Variants in SLCO1B1 observed in about 807,000 individuals in gnomAD.
SLCO1B1 encodes the protein OATP-2.
In SLCO1B1, 81 loss-of-function variants were observed where a neutral mutation model predicts 70.1. The ratio of observed to expected loss-of-function variants is 1.16; its 90% CI spans 0.97 to 1.39. The LOEUF (loss-of-function observed/expected upper bound fraction) is 1.39, where lower values mean the gene tolerates loss of function less well. Ranked by LOEUF, SLCO1B1 falls within the 40% of genes most tolerant of loss-of-function variation. SLCO1B1 has a pLI of 0.00. For missense variants in SLCO1B1, 895 were observed against 799.6 expected, an observed-to-expected ratio of 1.12 and a Z score of -1.44; for synonymous variants, 283 against 271.5, an observed-to-expected ratio of 1.04 and a Z score of -0.42.
chr12:21,172,614 T>G (rs772900954), intron 2 of SLCO1B1, 36 bp from the exon 3 acceptor site: 17 of 1,611,656 alleles, frequency 1.1e-5, no homozygotes, highest in Non-Finnish European at 1.4e-5. Flanking sequence ...GTCCTTCGAT[T>G]AACCATTTTC....
At chr12:21,222,458 T>G (rs1342375623) in intron 13 of SLCO1B1, 94 bp downstream of exon 13, 30 of 248,790 alleles carry the variant, frequency 1.2e-4, no homozygotes, top group African/African-American at 7.4e-4. Flanking sequence ...TAAATTTAAG[T>G]TATAAATATT....
chr12:21,196,157 G>A (rs1483423610), intron 7 of SLCO1B1, among the ~76,000 whole-genome samples: 2 of 152,080 alleles, frequency 1.3e-5, no homozygotes, highest in Non-Finnish European at 2.9e-5. Context: ...TCCACTAATG[G>A]AATTGATCGC....
At chr12:21,150,311 A>G (rs2121057485) in intron 2 of SLCO1B1, among the ~76,000 whole-genome samples, 1 of 152,270 alleles carries the variant, frequency 6.6e-6, no homozygotes, top group South Asian at 2.1e-4. Context: ...TGAAGAGGGC[A>G]GTGGATCTCC....
chr12:21,141,625 GAAT>G lies in SLCO1B1; in HGVS notation c.54_56del (p.Asn18del), dbSNP rs1565664071. On this transcript the variant is annotated inframe_deletion, in exon 2 of 15. Transcript: ENST00000256958. ...AAACAGCAGAGGCACAACCTTCAGA[GAAT>G]AAGAAAACAAGATACTGCAATGGAT... The G allele has an allele frequency of 6.2e-7, 1 of 1,608,598 alleles. No individual in the cohort carries two copies.
chr12:21,233,083 C>T (rs1057033504), intron 14 of SLCO1B1, among the ~76,000 whole-genome samples: 4 of 152,074 alleles, frequency 2.6e-5, no homozygotes, highest in Admixed American at 1.3e-4. Flanking sequence ...ATTCAGCACC[C>T]AATATTGACC....
chr12:21,140,396 A>G (rs1940292376), intron 1 of SLCO1B1, among the ~76,000 whole-genome samples: 1 of 152,086 alleles, frequency 6.6e-6, no homozygotes, highest in Non-Finnish European at 1.5e-5. Context: ...TATTCTATAT[A>G]AAAGAGTCAG....
chr12:21,222,397 A>ATATATATATAT (rs756408099), intron 13 of SLCO1B1, 33 bp downstream of exon 13: 3 of 97,734 alleles, frequency 3.1e-5, no homozygotes. Flanking sequence ...AAAAAAAAAA[A>ATATATATATAT]ATATATATAT....
At position 21,170,909 on chromosome 12, in the gene SLCO1B1, C is replaced by T. The variant is rs146685931; in HGVS notation, c.85-1741C>T. Among the ~76,000 whole-genome samples, 759 of 152,254 alleles carry T rather than the reference C, an allele frequency of 5.0e-3. 1 individual carries two copies. Among genetic ancestry groups the T allele is most frequent in the Middle Eastern group, 0.01 (3 of 294 alleles). On this transcript the variant is annotated intron_variant, in intron 2 of 14. Transcript: ENST00000256958. ...TCTGTCCCCCAAACATGGCCTAGGG[C>T]CAGACACAGAGTAGGTTTTGGTTAT...
intron 11 of SLCO1B1, among the ~76,000 whole-genome samples, chr12:21,207,911 TTA>T (rs1208516837): frequency 6.6e-6 from 1 of 152,104 alleles, no homozygotes; most frequent in Non-Finnish European, 1.5e-5. Flanking sequence ...TTAAACATTT[TTA>T]TGTGTTTGTT....
intron 3 of SLCO1B1, among the ~76,000 whole-genome samples, chr12:21,173,860 C>A (rs1940786630): frequency 6.7e-6 from 1 of 148,826 alleles, no homozygotes; most frequent in African/African-American, 2.5e-5. Context: ...GCAAGCTCTG[C>A]CTTTCTCCTG....
intron 2 of SLCO1B1, among the ~76,000 whole-genome samples, chr12:21,146,953 T>C (rs1273137688): frequency 1.3e-5 from 2 of 152,176 alleles, no homozygotes; most frequent in African/African-American, 2.4e-5. Context: ...TTGATGATGT[T>C]GTTAAGGTCA....
intron 2 of SLCO1B1, among the ~76,000 whole-genome samples, chr12:21,161,368 A>G (rs1456980901): frequency 6.6e-6 from 1 of 152,226 alleles, no homozygotes; most frequent in Non-Finnish European, 1.5e-5. Context: ...GGAAACATGG[A>G]TGGAGCTGGA....
rs1289559419 is a variant in SLCO1B1, at chr12:21,235,401, C to A, written c.1866-3578C>A. Among the ~76,000 whole-genome samples the A allele has an allele frequency of 4.1e-5, 6 of 147,780 alleles. No individual in the cohort carries two copies. The Admixed American group carries it at 4.1e-4, about 10-fold the overall frequency. ...TTTGCTTTCCATTTGAAAGATAGAT[C>A]TTTCTTCATTCTTTTACTTTAAGTC... On this transcript the variant is annotated intron_variant, in intron 14 of 14. Coordinates refer to ENST00000256958, the MANE Select transcript of SLCO1B1 (RefSeq NM_006446.5).
At chr12:21,159,257 C>A (rs1188135752) in intron 2 of SLCO1B1, among the ~76,000 whole-genome samples, 1 of 152,020 alleles carries the variant, frequency 6.6e-6, no homozygotes, top group Non-Finnish European at 1.5e-5. Flanking sequence ...AAAAACAAAA[C>A]TTGCCAATAG....
intron 11 of SLCO1B1, among the ~76,000 whole-genome samples, chr12:21,214,737 C>CA (rs753002950): frequency 3.2e-4 from 48 of 152,322 alleles, no homozygotes; most frequent in Non-Finnish European, 4.6e-4. Flanking sequence ...TAGGACCCTC[C>CA]AAGACAGGTG....
At chr12:21,161,189 C>T (rs1487674187) in intron 2 of SLCO1B1, among the ~76,000 whole-genome samples, 4 of 152,112 alleles carry the variant, frequency 2.6e-5, no homozygotes, top group Non-Finnish European at 5.9e-5. Flanking sequence ...ATAAATCATT[C>T]TACTATAAAG....
chr12:21,209,992 T>C (rs902691826), intron 11 of SLCO1B1, among the ~76,000 whole-genome samples: 4 of 151,828 alleles, frequency 2.6e-5, no homozygotes, highest in African/African-American at 7.2e-5. Context: ...GTGAAAATTT[T>C]CTCCCATTTT....
chr12:21,208,191 T>G (rs1040302018), intron 11 of SLCO1B1, among the ~76,000 whole-genome samples: 1 of 152,108 alleles, frequency 6.6e-6, no homozygotes, highest in Non-Finnish European at 1.5e-5. Flanking sequence ...TTTTGAGAAC[T>G]TAGTCACAAA....
intron 11 of SLCO1B1, among the ~76,000 whole-genome samples, chr12:21,209,384 G>T (rs1286644238): frequency 1.3e-5 from 2 of 152,070 alleles, no homozygotes; most frequent in South Asian, 2.1e-4. Context: ...CAAAGGACAT[G>T]AACTCATCAT....
Sources: allele counts gnomAD v4.1 joint callset (sites outside exome capture counted in the v4.1 genomes callset), GRCh38; gene constraint gnomAD v4.1.1; transcripts MANE v1.5; gene names NCBI Gene and HGNC (gene_info 2026-07-23, HGNC 2026-07-21).